The following MYO16 variants were observed in gnomAD, a reference collection of about 807,000 sequenced individuals.
MYO16 encodes the protein unconventional myosin-XVI.
A neutral mutation model predicts 205.3 loss-of-function variants in MYO16; 94 were observed. That is an observed-to-expected ratio of 0.46 (90% CI 0.39 to 0.54). MYO16 has a LOEUF of 0.54. Ranked by LOEUF, MYO16 falls within the 20% of genes least tolerant of loss-of-function variation. The pLI is 0.00. For missense variants in MYO16, 2,315 were observed against 2,387.5 expected (o/e 0.97, Z 0.63); for synonymous variants, 988 against 954.0 (o/e 1.04, Z -0.66).
intron 6 of MYO16, among the ~76,000 whole-genome samples, chr13:108,795,135 A>G (rs1594299668): frequency 6.6e-6 from 1 of 152,064 alleles, no homozygotes; most frequent in East Asian, 1.9e-4. Flanking sequence ...GATAAAATTT[A>G]GAAAAGTCTA....
chr13:108,909,883 A>G, intron 15 of MYO16, 120 bp from the exon 16 acceptor site: 1 of 1,038,122 alleles, frequency 9.6e-7, no homozygotes, highest in South Asian at 1.7e-5. Flanking sequence ...AAATGTAAAT[A>G]GATGGGAAAG....
intron 20 of MYO16, among the ~76,000 whole-genome samples, chr13:108,977,340 C>G (rs1884300019): frequency 6.6e-6 from 1 of 152,122 alleles, no homozygotes; most frequent in Non-Finnish European, 1.5e-5. Context: ...TATCCTCATA[C>G]TTGTCTCTTG....
chr13:108,933,061 T>C (rs1189910157), intron 16 of MYO16, among the ~76,000 whole-genome samples: 1 of 151,828 alleles, frequency 6.6e-6, no homozygotes, highest in Non-Finnish European at 1.5e-5. Context: ...TAACAGAAGG[T>C]CCTCATGATG....
At chr13:108,739,772 C>T (rs887249026) in intron 4 of MYO16, among the ~76,000 whole-genome samples, 2 of 151,952 alleles carry the variant, frequency 1.3e-5, no homozygotes, top group African/African-American at 4.8e-5. Flanking sequence ...TTCAGGTACA[C>T]CAGTCAGACA....
At chr13:108,849,185 T>C (rs1166893604) in intron 10 of MYO16, among the ~76,000 whole-genome samples, 1 of 152,004 alleles carries the variant, frequency 6.6e-6, no homozygotes, top group East Asian at 1.9e-4. Context: ...GTTTTTTTGT[T>C]TTTGTTTTTG....
At chr13:108,963,572 C>T (rs1883671012) in intron 19 of MYO16, among the ~76,000 whole-genome samples, 1 of 152,198 alleles carries the variant, frequency 6.6e-6, no homozygotes, top group South Asian at 2.1e-4. Context: ...CCTCCTTCCA[C>T]ACTACTTCTG....
In MYO16 at chr13:108,742,386, A is replaced by G. The variant is rs370815124; in HGVS notation, c.507+14803A>G. On this transcript the variant is annotated intron_variant, in intron 4 of 34. Coordinates refer to ENST00000457511, the MANE Select transcript of MYO16 (RefSeq NM_001198950.3). ...AATGTTTTGGCTCCCCCAAAAGAAT[A>G]CTTTAATGCATGATAATTTTTATAT... is the stretch of plus-strand genomic sequence containing the variant. 4.7e-4 allele frequency among the ~76,000 whole-genome samples: 71 copies of G among 152,312 alleles called. No individual in the cohort carries two copies. The South Asian group carries it at 0.014, about 30-fold the overall frequency.
At chr13:108,565,557 A>T in the MYO16 span, among the ~76,000 whole-genome samples, 1 of 152,092 alleles carries the variant, frequency 6.6e-6, no homozygotes, top group Non-Finnish European at 1.5e-5. Context: ...TTTGTTTATC[A>T]GTTCTGGTAG....
At chr13:109,093,249 A>G (rs1888674948) in intron 27 of MYO16, among the ~76,000 whole-genome samples, 1 of 152,220 alleles carries the variant, frequency 6.6e-6, no homozygotes, top group South Asian at 2.1e-4. Flanking sequence ...ACCCATCACA[A>G]GAAAAGTGAG....
chr13:108,929,632 G>A (rs866009622), intron 16 of MYO16, among the ~76,000 whole-genome samples: 1 of 152,074 alleles, frequency 6.6e-6, no homozygotes, highest in Non-Finnish European at 1.5e-5. Context: ...CTCAGGAGAG[G>A]GGATTCTGGA....
At chr13:108,753,012 AGATAG>A (rs1885291633) in intron 4 of MYO16, among the ~76,000 whole-genome samples, 1 of 151,930 alleles carries the variant, frequency 6.6e-6, no homozygotes, top group East Asian at 1.9e-4. Context: ...TTGATGTAAG[AGATAG>A]GATAGATGAG....
intron 16 of MYO16, among the ~76,000 whole-genome samples, chr13:108,923,736 G>T (rs1305521559): frequency 6.6e-6 from 1 of 152,212 alleles, no homozygotes; most frequent in East Asian, 1.9e-4. Flanking sequence ...AGGATTCTCA[G>T]AATTCAGGCT....
At chr13:108,500,269 A>G in the MYO16 span, among the ~76,000 whole-genome samples, 8 of 107,250 alleles carry the variant, frequency 7.5e-5, no homozygotes, top group African/African-American at 1.8e-4. Flanking sequence ...GGAGTCTGTC[A>G]CCCTGGCTGG....
intron 5 of MYO16, among the ~76,000 whole-genome samples, chr13:108,785,966 A>C (rs190986301): frequency 1.3e-5 from 2 of 152,356 alleles, no homozygotes; most frequent in Admixed American, 1.3e-4. Context: ...TCTAGAGGCC[A>C]ACAATGAAGG....
chr13:108,974,910 T>G (rs549158197), intron 20 of MYO16, among the ~76,000 whole-genome samples: 1 of 152,344 alleles, frequency 6.6e-6, no homozygotes, highest in South Asian at 2.1e-4. Flanking sequence ...TCAGCTGCAC[T>G]GTAGGCAAGC....
intron 20 of MYO16, among the ~76,000 whole-genome samples, chr13:108,974,588 TAA>T (rs1000224478): frequency 2.0e-5 from 3 of 152,202 alleles, no homozygotes; most frequent in African/African-American, 7.2e-5. Flanking sequence ...TTTTTAAGGC[TAA>T]GTCTTTTGTA....
the MYO16 span, among the ~76,000 whole-genome samples, chr13:108,528,708 CCCGT>C: frequency 8.0e-6 from 1 of 125,736 alleles, no homozygotes; most frequent in African/African-American, 3.1e-5. Context: ...CCCCTCCTCT[CCCGT>C]CACGTCACCT....
At chr13:108,900,518 A>T (rs1594381112) in intron 15 of MYO16, among the ~76,000 whole-genome samples, 5 of 152,344 alleles carry the variant, frequency 3.3e-5, no homozygotes, top group African/African-American at 1.2e-4. Context: ...CCCCAAATTA[A>T]TACTTTTATA....
intron 29 of MYO16, among the ~76,000 whole-genome samples, chr13:109,122,205 A>G (rs1032622048): frequency 3.9e-5 from 6 of 152,224 alleles, no homozygotes; most frequent in African/African-American, 1.2e-4. Flanking sequence ...TAAAGACAGA[A>G]CAGGGTATCA....
Sources: gnomAD v4.1 joint callset for allele counts (sites outside exome capture counted in the v4.1 genomes callset) on GRCh38, gnomAD v4.1.1 for gene constraint, MANE v1.5 for transcripts, NCBI Gene and HGNC (gene_info 2026-07-23, HGNC 2026-07-21) for gene names.